NVL: variants seen among roughly 807,000 people sequenced by gnomAD.
NVL encodes nuclear valosin-containing protein-like.
A neutral mutation model predicts 110.2 loss-of-function variants in NVL; 84 were observed. That is an observed-to-expected ratio of 0.76 (90% CI 0.64 to 0.91). The LOEUF is 0.91. NVL is among the 40% of genes least tolerant of loss of function. The probability of loss-of-function intolerance (pLI) is 0.00; values close to 1 mark genes in which losing one functional copy is unlikely to be tolerated. For synonymous variants in NVL, 354 were observed against 361.1 expected (o/e 0.98, Z 0.22); for missense variants, 882 against 1,035.9 (o/e 0.85, Z 2.04).
intron 8 of NVL, among the ~76,000 whole-genome samples, chr1:224,304,411 T>A (rs1023110933): frequency 6.6e-6 from 1 of 151,960 alleles, no homozygotes; most frequent in Non-Finnish European, 1.5e-5. Context: ...GTGACAGAGC[T>A]ACACTCCTTC....
chr1:224,235,069 C>T (rs1456193788), intron 20 of NVL, among the ~76,000 whole-genome samples: 3 of 152,198 alleles, frequency 2.0e-5, no homozygotes, highest in African/African-American at 7.2e-5. Context: ...TCCCAAAGGG[C>T]TAGGATTACA....
At position 224,269,086 on chromosome 1, in the gene NVL, T is replaced by C. The variant is rs1359011377; in HGVS notation, c.2083-953A>G. Among the ~76,000 whole-genome samples, 6 of 418 alleles carry C rather than the reference T, an allele frequency of 0.014. No homozygotes were observed. In the Admixed American group the frequency reaches 0.25, roughly 17 times the overall value. The allele number at this position is 418 out of a possible 152,430, so 0.3% of individuals were successfully genotyped here. ...TATACCAACTTTGGTGAGACTAACTTTTTTTTTTTTTTTTTTTTTGAGACA... is the reference window on the plus strand; with the variant it reads ...TATACCAACTTTGGTGAGACTAACTCTTTTTTTTTTTTTTTTTTTGAGACA... On this transcript the variant is annotated intron_variant, in intron 17 of 22. Transcript: ENST00000281701.
chr1:224,300,128 C>T (rs1420403297), intron 10 of NVL, among the ~76,000 whole-genome samples: 1 of 152,020 alleles, frequency 6.6e-6, no homozygotes, highest in East Asian at 1.9e-4. Flanking sequence ...TTATTATTGC[C>T]CTAGTTTACT....
chr1:224,268,553 C>A (rs1291410537), intron 17 of NVL, among the ~76,000 whole-genome samples: 1 of 152,168 alleles, frequency 6.6e-6, no homozygotes, highest in Non-Finnish European at 1.5e-5. Context: ...CCAGGCTGGT[C>A]GTGACCTCCT....
chr1:224,314,592 G>A (rs567722727), intron 4 of NVL, among the ~76,000 whole-genome samples: 87 of 152,156 alleles, frequency 5.7e-4, no homozygotes, highest in African/African-American at 1.9e-3. Context: ...AAGAAGACTC[G>A]GGGGGAAGTT....
intron 19 of NVL, among the ~76,000 whole-genome samples, chr1:224,247,655 T>C (rs1355457970): frequency 2.0e-5 from 3 of 147,322 alleles, no homozygotes; most frequent in Non-Finnish European, 4.5e-5. Context: ...GGCAACAGAG[T>C]GACACTCTGT....
chr1:224,296,651 T>C, intron 10 of NVL, 33 bp from the exon 11 acceptor site: 3 of 1,301,442 alleles, frequency 2.3e-6, no homozygotes, highest in Non-Finnish European at 2.2e-6. Context: ...AAGACAATCA[T>C]AAATGCATCC....
intron 17 of NVL, among the ~76,000 whole-genome samples, chr1:224,271,002 A>G (rs1482497573): frequency 6.6e-6 from 1 of 152,210 alleles, no homozygotes; most frequent in African/African-American, 2.4e-5. Flanking sequence ...CCAAAAATCT[A>G]TCTCATATAG....
chr1:224,328,456 G>T (rs1486224987), intron 1 of NVL, among the ~76,000 whole-genome samples: 1 of 126,544 alleles, frequency 7.9e-6, no homozygotes, highest in Non-Finnish European at 1.6e-5. Flanking sequence ...GGAGGCAGAG[G>T]TTGCAGTGAG....
chr1:224,252,439 T>C (rs1186010128), intron 18 of NVL, among the ~76,000 whole-genome samples: 1 of 152,186 alleles, frequency 6.6e-6, no homozygotes, highest in African/African-American at 2.4e-5. Flanking sequence ...CTCACAATGT[T>C]CAGACACAGG....
intron 2 of NVL, among the ~76,000 whole-genome samples, chr1:224,321,606 A>G (rs1670648075): frequency 6.6e-6 from 1 of 151,870 alleles, no homozygotes; most frequent in Admixed American, 6.6e-5. Flanking sequence ...TTTTAAATAA[A>G]TTTTTAGGGT....
chr1:224,229,699 C>T (rs1387633070), intron 22 of NVL, among the ~76,000 whole-genome samples: 1 of 152,184 alleles, frequency 6.6e-6, no homozygotes, highest in African/African-American at 2.4e-5. Context: ...CTGCCCGCCT[C>T]AGCCTCCCAA....
chr1:224,272,614 G>A (rs1022576981), intron 17 of NVL, among the ~76,000 whole-genome samples: 6 of 152,032 alleles, frequency 3.9e-5, no homozygotes, highest in Non-Finnish European at 7.4e-5. Flanking sequence ...CTACTTGGGA[G>A]GCTGAGTCAG....
In NVL at chr1:224,232,766, C is replaced by T. The variant is rs138046429; in HGVS notation, c.2455+435G>A. The T allele has an allele frequency of 6.0e-3, 928 of 153,916 alleles. 5 individuals carry two copies. Among genetic ancestry groups the T allele is most frequent in the Middle Eastern group, 0.014 (4 of 294 alleles). The allele number at this position is 153,916 out of a possible 1,614,324, so 9.5% of individuals were successfully genotyped here. A position where few individuals can be genotyped will look rare whatever the true frequency, so the allele number is the denominator to read the frequency against. ...GATGGCCCCAAAGCATCACATAACA[C>T]AATACACAGATTTTATATTTTGAAA... On this transcript the variant is annotated intron_variant, in intron 21 of 22. Transcript: ENST00000281701.
chr1:224,304,306 A>T (rs1446643955), intron 8 of NVL, among the ~76,000 whole-genome samples: 1 of 151,864 alleles, frequency 6.6e-6, no homozygotes, highest in Non-Finnish European at 1.5e-5. Flanking sequence ...ATGCCTGTAA[A>T]CCCAACTACT....
chr1:224,265,576 G>A (rs1664423733), intron 18 of NVL, among the ~76,000 whole-genome samples: 1 of 152,100 alleles, frequency 6.6e-6, no homozygotes. Context: ...CGATAGAATA[G>A]GTTATTACAG....
At chr1:224,282,207 A>G (rs1666429664) in intron 15 of NVL, among the ~76,000 whole-genome samples, 1 of 151,988 alleles carries the variant, frequency 6.6e-6, no homozygotes, top group African/African-American at 2.4e-5. Flanking sequence ...CTGGGATTAC[A>G]GGAGTATGCC....
At chr1:224,238,790 A>G (rs1176123792) in intron 19 of NVL, among the ~76,000 whole-genome samples, 1 of 152,142 alleles carries the variant, frequency 6.6e-6, no homozygotes, top group Non-Finnish European at 1.5e-5. Context: ...GTAGAAGGGC[A>G]GCTTTTGTCG....
chr1:224,307,929 T>G (rs952789288), intron 6 of NVL, 62 bp downstream of exon 6: 10 of 1,454,572 alleles, frequency 6.9e-6, no homozygotes, highest in Non-Finnish European at 9.2e-6. Flanking sequence ...TGATATTATA[T>G]TCAACTAAAA....
Sources: allele counts gnomAD v4.1 joint callset (sites outside exome capture counted in the v4.1 genomes callset), GRCh38; gene constraint gnomAD v4.1.1; transcripts MANE v1.5; gene names NCBI Gene and HGNC (gene_info 2026-07-23, HGNC 2026-07-21).